Variants in ZFPM2 observed in about 807,000 individuals in gnomAD.
The protein encoded by ZFPM2 is zinc finger protein ZFPM2.
ZFPM2 carries 20 observed loss-of-function variants against 98.6 expected under a neutral mutation model. The observed-to-expected ratio is 0.20, with a 90% confidence interval of 0.14 to 0.29. The LOEUF is 0.29. Among genes scored for constraint, ZFPM2 ranks in the 10% least tolerant of loss-of-function variants. The pLI, the probability that ZFPM2 is intolerant of heterozygous loss-of-function variation, is 1.00. For synonymous variants in ZFPM2, 518 were observed against 502.7 expected, an observed-to-expected ratio of 1.03 and a Z score of -0.41; for missense variants, 1,310 against 1,388.6, an observed-to-expected ratio of 0.94 and a Z score of 0.90.
At chr8:105,790,702 T>G (rs201722403) in intron 6 of ZFPM2, among the ~76,000 whole-genome samples, 104 of 152,246 alleles carry the variant, frequency 6.8e-4, no homozygotes, top group South Asian at 2.9e-3. Flanking sequence ...CCATTTTCAC[T>G]ATATTGATTC....
At position 105,714,435 on chromosome 8, in the gene ZFPM2, A is replaced by G. The variant is rs139910106; in HGVS notation, c.533-74283A>G. Among the ~76,000 whole-genome samples the G allele has an allele frequency of 1.2e-4, 19 of 152,126 alleles. No homozygotes were observed. The Middle Eastern group carries it at 0.01, about 82-fold the overall frequency. On this transcript the variant is annotated intron_variant, in intron 5 of 7. Transcript: ENST00000407775. ...AAGAGAAATAGTTTGACTTTCTCCTATCTTTTTTGGATCACTTTTATTTCT... is the reference window on the plus strand; with the variant it reads ...AAGAGAAATAGTTTGACTTTCTCCTGTCTTTTTTGGATCACTTTTATTTCT...
intron 5 of ZFPM2, among the ~76,000 whole-genome samples, chr8:105,763,397 G>A (rs1055191419): frequency 2.6e-5 from 4 of 151,902 alleles, no homozygotes; most frequent in Non-Finnish European, 4.4e-5. Context: ...AGTAGCAAAC[G>A]AAATGTGTTT....
chr8:105,565,928 T>G (rs1815234599), intron 4 of ZFPM2, among the ~76,000 whole-genome samples: 1 of 152,176 alleles, frequency 6.6e-6, no homozygotes, highest in Non-Finnish European at 1.5e-5. Context: ...AATTGGCTTG[T>G]CCAGTTATGA....
In ZFPM2 at chr8:105,543,133, A is replaced by T. The variant is rs190883373; in HGVS notation, c.302-18230A>T. Among the ~76,000 whole-genome samples, 5 of 152,320 alleles carry T rather than the reference A, an allele frequency of 3.3e-5. No individual in the cohort carries two copies. In the East Asian group the frequency reaches 9.6e-4, roughly 29 times the overall value. On this transcript the variant is annotated intron_variant, in intron 3 of 7. Coordinates refer to ENST00000407775, the MANE Select transcript of ZFPM2 (RefSeq NM_012082.4). Reference sequence around the variant, plus strand: ...TTGCATTTCCATGATGAGAAGTTAAATTAAAATCTCCTGGATTAAAGTCGT... The same window carrying T: ...TTGCATTTCCATGATGAGAAGTTAATTTAAAATCTCCTGGATTAAAGTCGT...
intron 5 of ZFPM2, among the ~76,000 whole-genome samples, chr8:105,744,421 T>G (rs112880691): frequency 0.014 from 2,090 of 152,206 alleles, 60 homozygotes; most frequent in African/African-American, 0.048. Flanking sequence ...CCCATTGGTG[T>G]TGTACTGACT....
chr8:105,443,328 A>AAAAAAAAAAC (rs1812300087), intron 2 of ZFPM2, among the ~76,000 whole-genome samples: 4 of 146,546 alleles, frequency 2.7e-5, no homozygotes, highest in African/African-American at 1.0e-4. Context: ...ACAAAAAACA[A>AAAAAAAAAAC]AAAAAAAAAA....
chr8:105,550,012 TTGAAAGTC>T (rs943309593), intron 3 of ZFPM2, among the ~76,000 whole-genome samples: 1 of 152,136 alleles, frequency 6.6e-6, no homozygotes, highest in African/African-American at 2.4e-5. Flanking sequence ...AAATACAACA[TTGAAAGTC>T]TGATTATCAG....
chr8:105,763,943 G>A (rs1178920979), intron 5 of ZFPM2, among the ~76,000 whole-genome samples: 1 of 151,856 alleles, frequency 6.6e-6, no homozygotes, highest in Non-Finnish European at 1.5e-5. Flanking sequence ...GCATAGCAGA[G>A]AAGCTTTTAT....
intron 5 of ZFPM2, among the ~76,000 whole-genome samples, chr8:105,754,835 T>C (rs1428968846): frequency 6.6e-6 from 1 of 152,112 alleles, no homozygotes; most frequent in Non-Finnish European, 1.5e-5. Flanking sequence ...GTAGAAGATT[T>C]AAGCAGCTAT....
chr8:105,752,135 A>T (rs2131054683), intron 5 of ZFPM2, among the ~76,000 whole-genome samples: 1 of 152,186 alleles, frequency 6.6e-6, no homozygotes, highest in Non-Finnish European at 1.5e-5. Context: ...AAAAAAATGC[A>T]TTACTGTATT....
chr8:105,358,389 T>C (rs1050118824), intron 1 of ZFPM2: 1 of 152,230 alleles, frequency 6.6e-6, no homozygotes, highest in Admixed American at 6.5e-5. Flanking sequence ...TAGGATTCTT[T>C]CATGTGACTT....
At chr8:105,679,262 G>A (rs375027124) in intron 5 of ZFPM2, among the ~76,000 whole-genome samples, 3 of 152,130 alleles carry the variant, frequency 2.0e-5, no homozygotes, top group East Asian at 3.9e-4. Context: ...GGCAACATTA[G>A]TTTCCTAATC....
At chr8:105,796,221 C>T (rs1020878962) in intron 6 of ZFPM2, among the ~76,000 whole-genome samples, 1 of 149,872 alleles carries the variant, frequency 6.7e-6, no homozygotes, top group Non-Finnish European at 1.5e-5. Flanking sequence ...CATGGCCCAA[C>T]CTGAATTTGA....
intron 6 of ZFPM2, among the ~76,000 whole-genome samples, chr8:105,795,246 T>TCGTGTGTGTGTGTGTGTG (rs1554582313): frequency 7.2e-6 from 1 of 138,228 alleles, no homozygotes; most frequent in Admixed American, 7.2e-5. Context: ...CATTTTATCT[T>TCGTGTGTGTGTGTGTGTG]TGTGTGTGTG....
At chr8:105,470,371 T>C (rs1812879465) in intron 3 of ZFPM2, among the ~76,000 whole-genome samples, 1 of 152,158 alleles carries the variant, frequency 6.6e-6, no homozygotes, top group South Asian at 2.1e-4. Context: ...GGACCAAAAC[T>C]ATGTCTACCT....
chr8:105,487,929 TCTAG>T (rs67078135), intron 3 of ZFPM2, among the ~76,000 whole-genome samples: 6,765 of 82,382 alleles, frequency 0.082, 174 homozygotes, highest in Non-Finnish European at 0.11. Flanking sequence ...TATCTATCTA[TCTAG>T]CTAGCTAGCT....
intron 3 of ZFPM2, among the ~76,000 whole-genome samples, chr8:105,536,364 T>C (rs1330910974): frequency 6.6e-6 from 1 of 152,102 alleles, no homozygotes; most frequent in African/African-American, 2.4e-5. Context: ...CGTATTTAAG[T>C]AAATTTTTAA....
At chr8:105,687,715 A>C (rs1328385689) in intron 5 of ZFPM2, among the ~76,000 whole-genome samples, 2 of 152,172 alleles carry the variant, frequency 1.3e-5, no homozygotes, top group Non-Finnish European at 2.9e-5. Context: ...GCAGTAAAAC[A>C]GGAGCATCAA....
At chr8:105,723,709 T>C (rs184595458) in intron 5 of ZFPM2, among the ~76,000 whole-genome samples, 54 of 151,918 alleles carry the variant, frequency 3.6e-4, no homozygotes, top group African/African-American at 1.0e-3. Flanking sequence ...AGCAGCTTTA[T>C]AGATAAGGGC....
Sources: allele counts gnomAD v4.1 joint callset (sites outside exome capture counted in the v4.1 genomes callset), GRCh38; gene constraint gnomAD v4.1.1; transcripts MANE v1.5; gene names NCBI Gene and HGNC (gene_info 2026-07-23, HGNC 2026-07-21).